Variants in WNT7B observed in about 807,000 individuals in gnomAD.
WNT7B encodes the protein protein Wnt-7b.
A neutral mutation model predicts 38.2 loss-of-function variants in WNT7B; 19 were observed. The observed-to-expected ratio is 0.50, with a 90% CI of 0.35 to 0.73. WNT7B has a LOEUF of 0.73. Among genes scored for constraint, WNT7B ranks in the 30% least tolerant of loss-of-function variants. WNT7B has a pLI of 0.01. For missense variants in WNT7B, 423 were observed against 507.9 expected, an observed-to-expected ratio of 0.83 and a Z score of 1.61; for synonymous variants, 243 against 209.3, an observed-to-expected ratio of 1.16 and a Z score of -1.39.
chr22:45,975,521 G>A lies in WNT7B; in HGVS notation c.71+1163C>T, dbSNP rs1177944770. Reference sequence around the variant, plus strand: ...TGAAGCCACTGGCTTTGTCTCTGCAGGCCTTGGGCCTCAGTTTCTCCACCT... The same window carrying A: ...TGAAGCCACTGGCTTTGTCTCTGCAAGCCTTGGGCCTCAGTTTCTCCACCT... On this transcript the variant is annotated intron_variant, in intron 1 of 3. Coordinates refer to ENST00000339464, the MANE Select transcript of WNT7B (RefSeq NM_058238.3). This position sits in a 1 kb window ranked among gnomAD's most constrained non-coding sequence, Gnocchi z 6.6. 1 of 716,302 alleles carries A rather than the reference G, an allele frequency of 1.4e-6. No individual in the cohort carries two copies. The highest frequency in any genetic ancestry group is 1.7e-5 in the African/African-American group (1 of 57,264). The allele number at this position is 716,302 out of a possible 1,614,324, so 44.4% of individuals were successfully genotyped here.
intron 1 of WNT7B, among the ~76,000 whole-genome samples, chr22:45,974,100 C>A (rs1272416696): frequency 6.6e-6 from 1 of 152,170 alleles, no homozygotes; most frequent in Non-Finnish European, 1.5e-5. Context: ...AAGAAAGATT[C>A]TCCTGGTATC....
chr22:45,939,649 T>TCACACACA (rs980779392), intron 2 of WNT7B, among the ~76,000 whole-genome samples: 8 of 101,298 alleles, frequency 7.9e-5, no homozygotes, highest in Admixed American at 5.0e-4. Context: ...ACACACACAC[T>TCACACACA]CACACACACA....
chr22:45,957,104 C>CAAAAA (rs34329899), intron 1 of WNT7B, among the ~76,000 whole-genome samples: 3,893 of 79,872 alleles, frequency 0.049, 111 homozygotes, highest in Non-Finnish European at 0.068. Context: ...GACTCTGTCT[C>CAAAAA]AAAAAAAAAA....
chr22:45,945,529 C>T (rs74671119), intron 2 of WNT7B, among the ~76,000 whole-genome samples: 7 of 152,250 alleles, frequency 4.6e-5, no homozygotes, highest in African/African-American at 1.4e-4. Flanking sequence ...CTTACACTTA[C>T]GGCACATGTC....
At chr22:45,946,073 T>TG (rs1390115174) in intron 2 of WNT7B, among the ~76,000 whole-genome samples, 6 of 151,992 alleles carry the variant, frequency 3.9e-5, no homozygotes, top group African/African-American at 1.4e-4. Flanking sequence ...TCTAGGGGGA[T>TG]GGGGGCGGCG....
At chr22:45,964,972 A>G (rs1177417325) in intron 1 of WNT7B, among the ~76,000 whole-genome samples, 1 of 151,652 alleles carries the variant, frequency 6.6e-6, no homozygotes, top group East Asian at 1.9e-4. Context: ...ATGCCTCCCC[A>G]TCCTCCACCT....
At chr22:45,969,914 C>T (rs1276341493) in intron 1 of WNT7B, among the ~76,000 whole-genome samples, 1 of 152,226 alleles carries the variant, frequency 6.6e-6, no homozygotes, top group Non-Finnish European at 1.5e-5. Context: ...TGAGGGTCGG[C>T]TGACACTCAC....
intron 1 of WNT7B, among the ~76,000 whole-genome samples, chr22:45,957,461 G>T (rs1011486333): frequency 2.2e-4 from 34 of 151,762 alleles, no homozygotes; most frequent in Non-Finnish European, 3.5e-4. Flanking sequence ...AGGCGAGTGG[G>T]TCACCTAAGG....
At chr22:45,926,383 C>T (rs1004374890) in intron 3 of WNT7B, 2 of 985,214 alleles carry the variant, frequency 2.0e-6, no homozygotes, top group East Asian at 1.1e-4. Flanking sequence ...ACGCTGGGGG[C>T]CTGGTTGGGC....
chr22:45,938,048 G>C (rs941961889), intron 2 of WNT7B, among the ~76,000 whole-genome samples: 1 of 152,062 alleles, frequency 6.6e-6, no homozygotes, highest in African/African-American at 2.4e-5. Context: ...ATAATAAAAT[G>C]GTTAACAACT....
intron 1 of WNT7B, among the ~76,000 whole-genome samples, chr22:45,959,225 G>C (rs1932140183): frequency 6.6e-6 from 1 of 152,192 alleles, no homozygotes; most frequent in African/African-American, 2.4e-5. Flanking sequence ...AGCAGGGCTG[G>C]GGCTGCAGGC....
rs190260555 is a variant in WNT7B at position 45,952,359 on chromosome 22, G to A, written c.72-2213C>T. 2.8e-3 allele frequency among the ~76,000 whole-genome samples: 406 copies of A among 146,522 alleles called. 5 individuals carry two copies. The highest frequency in any genetic ancestry group is 6.8e-3 in the Middle Eastern group (2 of 292). ...GGGTGACACTCAATCCCCGAGGCCC[G>A]CCCGGCCCGCCCACTAATCTGGCCA... On this transcript the variant is annotated intron_variant, in intron 1 of 3. Transcript: ENST00000339464.
At chr22:45,944,814 C>G (rs1370877954) in intron 2 of WNT7B, among the ~76,000 whole-genome samples, 3 of 152,214 alleles carry the variant, frequency 2.0e-5, no homozygotes, top group African/African-American at 7.2e-5. Flanking sequence ...GCTGCCCTCC[C>G]ACCCCCGCGC....
chr22:45,949,998 G>T lies in WNT7B; in HGVS notation c.220C>A (p.Gln74Lys). The change falls in exon 2 of 4, where the codon CAG becomes AAG. Residue 74 changes from glutamine to lysine, a missense_variant. By Grantham distance (53) the Gln-to-Lys change is moderately conservative. This residue lies in a region of WNT7B where 133 missense variants were observed against 179.8 expected (regional missense o/e 0.74). Coordinates refer to ENST00000339464, the MANE Select transcript of WNT7B (RefSeq NM_058238.3). ...CAGCGTCCGAAGCGGAACTGGTACTGGCACTCGTTGATGCCCATCTGCGCC... is the reference window on the plus strand; with the variant it reads ...CAGCGTCCGAAGCGGAACTGGTACTTGCACTCGTTGATGCCCATCTGCGCC... ...EGAQMGINECQYQFRFGRWNC... is the reference protein window; with the variant it reads ...EGAQMGINECKYQFRFGRWNC... The T allele has an allele frequency of 6.2e-7, 1 of 1,613,962 alleles. No individual in the cohort carries two copies. Among genetic ancestry groups the T allele is most frequent in the Non-Finnish European group, 8.5e-7 (1 of 1,180,040 alleles).
intron 1 of WNT7B, among the ~76,000 whole-genome samples, chr22:45,953,129 C>T (rs892468668): frequency 5.2e-5 from 7 of 135,424 alleles, no homozygotes; most frequent in East Asian, 4.2e-4. Context: ...TCACCGTGTC[C>T]GTGCCCGGCT....
intron 1 of WNT7B, among the ~76,000 whole-genome samples, chr22:45,970,343 C>G (rs1932406311): frequency 1.3e-5 from 2 of 152,214 alleles, no homozygotes; most frequent in South Asian, 4.1e-4. Flanking sequence ...AGTGCACACT[C>G]CAGGAGCAAG....
chr22:45,935,871 A>G, intron 2 of WNT7B: 1 of 985,276 alleles, frequency 1.0e-6, no homozygotes, highest in Non-Finnish European at 1.2e-6. Context: ...GTGTGTGGTG[A>G]TGGGGAAGCT....
intron 3 of WNT7B, chr22:45,927,452 C>T (rs1418093487): frequency 1.9e-6 from 3 of 1,549,072 alleles, no homozygotes; most frequent in Non-Finnish European, 1.7e-6. Flanking sequence ...AACGGCATAG[C>T]AACCCCCCAA....
chr22:45,929,649 C>A (rs1347135896), intron 3 of WNT7B, among the ~76,000 whole-genome samples: 1 of 127,470 alleles, frequency 7.8e-6, no homozygotes, highest in African/African-American at 3.2e-5. Flanking sequence ...TCCACTCATC[C>A]ATCCTTCCAC....
Sources: allele counts gnomAD v4.1 joint callset (sites outside exome capture counted in the v4.1 genomes callset), GRCh38; gene constraint gnomAD v4.1.1; regional missense constraint gnomAD v4.1.1; non-coding constraint Gnocchi (gnomAD v3.1); transcripts MANE v1.5; gene names NCBI Gene and HGNC (gene_info 2026-07-23, HGNC 2026-07-21).